C1QTNF3: variants seen among roughly 807,000 people sequenced by gnomAD.
C1QTNF3 encodes the protein complement C1q tumor necrosis factor-related protein 3.
Under a neutral mutation model 32.6 loss-of-function variants are expected in C1QTNF3, and 26 were observed. That is an observed-to-expected ratio of 0.80 (90% CI 0.58 to 1.11). The LOEUF (loss-of-function observed/expected upper bound fraction) is 1.11. Ranked by LOEUF, C1QTNF3 falls within the 50% of genes least tolerant of loss-of-function variation. The pLI, the probability that C1QTNF3 is intolerant of heterozygous loss-of-function variation, is 0.00. For synonymous variants in C1QTNF3, 155 were observed against 146.0 expected (o/e 1.06, Z -0.44); for missense variants, 362 against 398.2 (o/e 0.91, Z 0.77).
the C1QTNF3 span, among the ~76,000 whole-genome samples, chr5:34,094,712 G>A: frequency 6.7e-6 from 1 of 150,192 alleles, no homozygotes; most frequent in East Asian, 1.9e-4. Context: ...AGGTAGGTTG[G>A]TCAAAAAATA....
At chr5:34,206,917 C>T in the C1QTNF3 span, among the ~76,000 whole-genome samples, 1 of 152,108 alleles carries the variant, frequency 6.6e-6, no homozygotes, top group Non-Finnish European at 1.5e-5. Context: ...TTGTGTTTTT[C>T]TCATCTAAGC....
chr5:34,153,853 T>TAAAAAA, the C1QTNF3 span, among the ~76,000 whole-genome samples: 62 of 32,336 alleles, frequency 1.9e-3, no homozygotes, highest in Non-Finnish European at 2.4e-3. Context: ...ACTTAGAGTA[T>TAAAAAA]AAAAAAAAAA....
At chr5:34,162,174 T>C in the C1QTNF3 span, among the ~76,000 whole-genome samples, 3 of 152,152 alleles carry the variant, frequency 2.0e-5, no homozygotes, top group African/African-American at 4.8e-5. Context: ...TAATGAACCA[T>C]GGTTCATGGT....
chr5:34,165,996 A>C, the C1QTNF3 span: 1 of 147,644 alleles, frequency 6.8e-6, no homozygotes, highest in African/African-American at 2.5e-5. Context: ...ATTGTGCCTC[A>C]GGTCATCTTC....
chr5:34,057,185 A>G, the C1QTNF3 span, among the ~76,000 whole-genome samples: 4 of 152,196 alleles, frequency 2.6e-5, no homozygotes, highest in African/African-American at 9.7e-5. Flanking sequence ...CAAAGACCAC[A>G]CTTTGAAAAG....
the C1QTNF3 span, among the ~76,000 whole-genome samples, chr5:34,177,580 C>A: frequency 3.3e-5 from 5 of 151,354 alleles, no homozygotes; most frequent in Non-Finnish European, 7.4e-5. Context: ...TCCACCTCCC[C>A]AGTTCAAGCG....
At chr5:34,134,226 G>A in the C1QTNF3 span, among the ~76,000 whole-genome samples, 1 of 152,082 alleles carries the variant, frequency 6.6e-6, no homozygotes, top group Non-Finnish European at 1.5e-5. Context: ...TATTGTGTTC[G>A]AGCCAATTAA....
chr5:34,106,085 C>T, the C1QTNF3 span: 1 of 150,706 alleles, frequency 6.6e-6, no homozygotes, highest in Admixed American at 6.6e-5. Flanking sequence ...TTTATTTGCT[C>T]ATTTTAATAG....
intron 1 of C1QTNF3, among the ~76,000 whole-genome samples, chr5:34,038,811 C>T (rs764971318): frequency 5.3e-5 from 8 of 152,038 alleles, no homozygotes; most frequent in Non-Finnish European, 1.0e-4. Flanking sequence ...GATACTGTTA[C>T]AGTAGGTAGC....
At chr5:34,137,148 A>T in the C1QTNF3 span, among the ~76,000 whole-genome samples, 1 of 25,830 alleles carries the variant, frequency 3.9e-5, no homozygotes, top group South Asian at 1.1e-3. Flanking sequence ...AAGTATAATT[A>T]AAAAAAAAAA....
chr5:34,069,915 G>T, the C1QTNF3 span, among the ~76,000 whole-genome samples: 1 of 152,072 alleles, frequency 6.6e-6, no homozygotes, highest in African/African-American at 2.4e-5. Context: ...GAAAGACCCA[G>T]GCTTCAGCTC....
the C1QTNF3 span, among the ~76,000 whole-genome samples, chr5:34,170,997 G>A: frequency 1.2e-3 from 187 of 152,128 alleles, no homozygotes; most frequent in Non-Finnish European, 2.2e-3. Flanking sequence ...GACATATGAT[G>A]GTTAAAATGC....
At chr5:34,199,877 AC>A in the C1QTNF3 span, 1 of 151,476 alleles carries the variant, frequency 6.6e-6, no homozygotes, top group Admixed American at 6.6e-5. Context: ...TTTATATAAA[AC>A]GTCTAAGCAA....
chr5:34,116,139 G>A, the C1QTNF3 span, among the ~76,000 whole-genome samples: 1 of 152,028 alleles, frequency 6.6e-6, no homozygotes, highest in East Asian at 1.9e-4. Flanking sequence ...GCTTATTTAA[G>A]AATCTGTTGT....
chr5:34,089,078 A>G, the C1QTNF3 span, among the ~76,000 whole-genome samples: 1 of 152,302 alleles, frequency 6.6e-6, no homozygotes, highest in South Asian at 2.1e-4. Context: ...CTTGCTGGGC[A>G]GAGATGGAAG....
At chr5:34,177,940 A>G in the C1QTNF3 span, among the ~76,000 whole-genome samples, 13 of 152,000 alleles carry the variant, frequency 8.6e-5, no homozygotes, top group East Asian at 5.8e-4. Context: ...GGTTCTATCA[A>G]TGCTGACCTA....
Position 34,040,841 on chromosome 5 carries a change from T to G in C1QTNF3, c.303+1982A>C, listed in dbSNP as rs562769062. Among the ~76,000 whole-genome samples, 9 of 150,866 alleles carry G rather than the reference T, an allele frequency of 6.0e-5. No individual in the cohort carries two copies. The South Asian group carries it at 1.7e-3, about 28-fold the overall frequency. ...TTTTTTTTTTTTAATTTGCTGTGGA[T>G]AGTCATTCTTTTAATACCATCTTTT... is the stretch of plus-strand genomic sequence containing the variant. On this transcript the variant is annotated intron_variant, in intron 1 of 5. Coordinates refer to ENST00000382065, the MANE Select transcript of C1QTNF3 (RefSeq NM_181435.6).
At chr5:34,136,070 G>A in the C1QTNF3 span, among the ~76,000 whole-genome samples, 2 of 152,096 alleles carry the variant, frequency 1.3e-5, no homozygotes, top group East Asian at 3.8e-4. Context: ...TCAGGACATA[G>A]GCATGGGCAA....
the C1QTNF3 span, among the ~76,000 whole-genome samples, chr5:34,143,316 T>A: frequency 6.6e-6 from 1 of 152,170 alleles, no homozygotes; most frequent in Non-Finnish European, 1.5e-5. Context: ...TTGCAATTCC[T>A]GGGAGAAAAG....
Sources: gnomAD v4.1 joint callset for allele counts (sites outside exome capture counted in the v4.1 genomes callset) on GRCh38, gnomAD v4.1.1 for gene constraint, MANE v1.5 for transcripts, NCBI Gene and HGNC (gene_info 2026-07-23, HGNC 2026-07-21) for gene names.